The following SKAP2 variants were observed in gnomAD, a reference collection of about 807,000 sequenced individuals.
SKAP2 encodes the protein src kinase associated phosphoprotein 2, also known as src kinase-associated phosphoprotein 2.
In SKAP2, 28 loss-of-function variants were observed where a neutral mutation model predicts 54.9. The ratio of observed to expected loss-of-function variants is 0.51; its 90% confidence interval spans 0.38 to 0.70. The LOEUF (loss-of-function observed/expected upper bound fraction) is 0.70. SKAP2 is among the 30% of genes least tolerant of loss of function. The pLI is 0.00. For missense variants in SKAP2, 356 were observed against 424.1 expected (o/e 0.84, Z 1.41); for synonymous variants, 137 against 134.3 (o/e 1.02, Z -0.14).
intron 4 of SKAP2, among the ~76,000 whole-genome samples, chr7:26,763,801 T>C (rs1055234384): frequency 7.9e-6 from 1 of 125,958 alleles, no homozygotes; most frequent in Non-Finnish European, 1.8e-5. Flanking sequence ...ATATTATATA[T>C]AGCCTATTGC....
chr7:26,656,682 C>A, the SKAP2 span, among the ~76,000 whole-genome samples: 1 of 152,148 alleles, frequency 6.6e-6, no homozygotes. Flanking sequence ...TCTTTCATAA[C>A]AACACAGGAC....
intron 4 of SKAP2, among the ~76,000 whole-genome samples, chr7:26,841,911 C>T (rs918567517): frequency 6.6e-6 from 1 of 151,838 alleles, no homozygotes; most frequent in African/African-American, 2.4e-5. Context: ...TGTGCTAATT[C>T]GGTTATGCTT....
chr7:26,730,817 T>C (rs1787807837), intron 6 of SKAP2, among the ~76,000 whole-genome samples: 1 of 152,180 alleles, frequency 6.6e-6, no homozygotes, highest in African/African-American at 2.4e-5. Context: ...ATAAGAGCAA[T>C]TTCCTTCTAC....
chr7:26,843,230 C>A (rs1784854777), intron 4 of SKAP2, among the ~76,000 whole-genome samples: 1 of 151,976 alleles, frequency 6.6e-6, no homozygotes, highest in Non-Finnish European at 1.5e-5. Context: ...CACATAGTGG[C>A]AGAAGGTATT....
chr7:26,715,607 T>C (rs1329261621), intron 9 of SKAP2, among the ~76,000 whole-genome samples: 2 of 152,072 alleles, frequency 1.3e-5, no homozygotes, highest in South Asian at 2.1e-4. Context: ...TGAAACCCCG[T>C]CTCTACTAAA....
chr7:26,830,006 T>C (rs935295263), intron 4 of SKAP2, among the ~76,000 whole-genome samples: 1 of 152,138 alleles, frequency 6.6e-6, no homozygotes, highest in Non-Finnish European at 1.5e-5. Flanking sequence ...GTCCATCAAT[T>C]GAGGATGGAT....
intron 4 of SKAP2, among the ~76,000 whole-genome samples, chr7:26,769,925 A>T (rs150438516): frequency 0.011 from 1,617 of 152,286 alleles, 29 homozygotes; most frequent in African/African-American, 0.037. Context: ...CAGGAGGCAC[A>T]GGGTCAGAGA....
chr7:26,779,473 C>T (rs1348284820), intron 4 of SKAP2, among the ~76,000 whole-genome samples: 1 of 152,040 alleles, frequency 6.6e-6, no homozygotes, highest in Admixed American at 6.6e-5. Context: ...TGTTCGTTGA[C>T]ATCAAATATC....
At chr7:26,849,687 A>C (rs1229990140) in intron 3 of SKAP2, among the ~76,000 whole-genome samples, 1 of 71,238 alleles carries the variant, frequency 1.4e-5, no homozygotes, top group Non-Finnish European at 3.0e-5. Flanking sequence ...ACTCCATCTC[A>C]AAAAAAAAAA....
At chr7:26,690,425 C>G in intron 9 of SKAP2, 63 bp from the exon 10 acceptor site, 1 of 1,018,816 alleles carries the variant, frequency 9.8e-7, no homozygotes, top group South Asian at 1.3e-5. Context: ...CTACAGTACT[C>G]ACTCAATTTT....
intron 1 of SKAP2, among the ~76,000 whole-genome samples, chr7:26,855,328 T>A (rs1785138492): frequency 6.6e-6 from 1 of 152,094 alleles, no homozygotes; most frequent in African/African-American, 2.4e-5. Flanking sequence ...AGCTAATGTC[T>A]CTGGCAAGGG....
At chr7:26,686,520 A>G (rs1052087935) in intron 10 of SKAP2, among the ~76,000 whole-genome samples, 1 of 152,194 alleles carries the variant, frequency 6.6e-6, no homozygotes, top group Non-Finnish European at 1.5e-5. Context: ...CCCAAAGCAT[A>G]TATTAAGTAA....
At chr7:26,854,010 CTAAG>C in intron 3 of SKAP2, 123 bp downstream of exon 3, 1 of 635,864 alleles carries the variant, frequency 1.6e-6, no homozygotes, top group Non-Finnish European at 2.8e-6. Context: ...TCTTGAAGGT[CTAAG>C]TACACATTAC....
intron 4 of SKAP2, among the ~76,000 whole-genome samples, chr7:26,788,417 G>A (rs1367288280): frequency 3.3e-5 from 5 of 151,658 alleles, no homozygotes; most frequent in African/African-American, 1.2e-4. Context: ...AAAGCACTTA[G>A]CATTCTGAAG....
chr7:26,836,537 C>T (rs929595898), intron 4 of SKAP2, among the ~76,000 whole-genome samples: 2 of 152,136 alleles, frequency 1.3e-5, no homozygotes, highest in South Asian at 4.1e-4. Context: ...AGGATATGAA[C>T]AGACACTTCT....
At position 26,667,694 on chromosome 7, in the gene SKAP2, T is replaced by C. The variant is rs1232865583; in HGVS notation, c.*1972A>G. ...GCAGAAATCTAGATGCTTTCCATCA[T>C]GGGCGAGTTTGTGCCATGGGGGAAG... On this transcript the variant is annotated 3_prime_UTR_variant, in exon 13 of 13. Coordinates refer to ENST00000345317, the MANE Select transcript of SKAP2 (RefSeq NM_003930.5). 2 of 152,662 alleles carry C rather than the reference T, an allele frequency of 1.3e-5. No homozygotes were observed. The highest frequency in any genetic ancestry group is 4.8e-5 in the African/African-American group (2 of 41,456). The allele number at this position is 152,662 out of a possible 1,614,324, so 9.5% of individuals were successfully genotyped here.
chr7:26,674,313 G>C (rs902034116), intron 11 of SKAP2, among the ~76,000 whole-genome samples: 1 of 151,978 alleles, frequency 6.6e-6, no homozygotes, highest in Non-Finnish European at 1.5e-5. Context: ...TCTTCATTGT[G>C]ATATCTTTAT....
chr7:26,687,721 C>T (rs867530170), intron 10 of SKAP2, among the ~76,000 whole-genome samples: 1 of 151,936 alleles, frequency 6.6e-6, no homozygotes, highest in Non-Finnish European at 1.5e-5. Context: ...AATTAAGCAC[C>T]GACAGCCTCA....
chr7:26,815,030 A>G (rs1584405846), intron 4 of SKAP2, among the ~76,000 whole-genome samples: 1 of 152,040 alleles, frequency 6.6e-6, no homozygotes, highest in East Asian at 1.9e-4. Context: ...ACTCTTTTAA[A>G]TTGTTATGAA....
Sources: allele counts gnomAD v4.1 joint callset (sites outside exome capture counted in the v4.1 genomes callset), GRCh38; gene constraint gnomAD v4.1.1; transcripts MANE v1.5; gene names NCBI Gene and HGNC (gene_info 2026-07-23, HGNC 2026-07-21).